The following SCFD2 variants were observed in gnomAD, a reference collection of about 807,000 sequenced individuals.
SCFD2 encodes the protein sec1 family domain containing 2, also known as sec1 family domain-containing protein 2.
Under a neutral mutation model 58.9 loss-of-function variants are expected in SCFD2, and 54 were observed. The observed-to-expected ratio is 0.92, with a 90% CI of 0.74 to 1.15. The LOEUF is 1.15. Ranked by LOEUF, SCFD2 falls within the 50% of genes most tolerant of loss-of-function variation. SCFD2 has a pLI of 0.00. For missense variants in SCFD2, 805 were observed against 836.6 expected (o/e 0.96, Z 0.47); for synonymous variants, 321 against 335.9 (o/e 0.96, Z 0.49).
At chr4:52,930,268 C>T (rs999424416) in intron 5 of SCFD2, among the ~76,000 whole-genome samples, 1 of 152,098 alleles carries the variant, frequency 6.6e-6, no homozygotes, top group African/African-American at 2.4e-5. Flanking sequence ...AAAGGATTCC[C>T]TATTTAATAA....
At chr4:53,350,114 G>GT (rs1309129823) in intron 2 of SCFD2, among the ~76,000 whole-genome samples, 1 of 152,190 alleles carries the variant, frequency 6.6e-6, no homozygotes, top group Non-Finnish European at 1.5e-5. Context: ...CTGTAAGTGT[G>GT]TGCTATTACT....
intron 4 of SCFD2, among the ~76,000 whole-genome samples, chr4:53,219,464 C>T (rs574261688): frequency 6.6e-6 from 1 of 152,272 alleles, no homozygotes; most frequent in Non-Finnish European, 1.5e-5. Flanking sequence ...CCTGGTGTGC[C>T]GTTTGCTAAG....
At chr4:53,198,998 ATC>A (rs1386717629) in intron 4 of SCFD2, among the ~76,000 whole-genome samples, 1 of 152,106 alleles carries the variant, frequency 6.6e-6, no homozygotes, top group Non-Finnish European at 1.5e-5. Flanking sequence ...TTCCTGAAAC[ATC>A]TGTTTGAAAT....
intron 2 of SCFD2, among the ~76,000 whole-genome samples, chr4:53,334,642 C>G (rs1733617336): frequency 6.6e-6 from 1 of 151,276 alleles, no homozygotes; most frequent in East Asian, 2.0e-4. Flanking sequence ...GGGAGATATA[C>G]CTAATGCTAG....
chr4:53,055,430 G>C (rs1723309786), intron 5 of SCFD2, among the ~76,000 whole-genome samples: 1 of 152,138 alleles, frequency 6.6e-6, no homozygotes, highest in Non-Finnish European at 1.5e-5. Flanking sequence ...TTCACAGCTG[G>C]AGAGCTACCC....
chr4:52,973,824 T>C (rs1327268626), intron 5 of SCFD2, among the ~76,000 whole-genome samples: 1 of 152,198 alleles, frequency 6.6e-6, no homozygotes, highest in African/African-American at 2.4e-5. Context: ...TCCACGATGA[T>C]CAAGTGGGCT....
chr4:53,201,594 C>A (rs927682892), intron 4 of SCFD2, among the ~76,000 whole-genome samples: 1 of 152,016 alleles, frequency 6.6e-6, no homozygotes, highest in Non-Finnish European at 1.5e-5. Flanking sequence ...CCTGAGGAAT[C>A]GCCACACTGA....
At chr4:53,184,526 G>T (rs1161298125) in intron 4 of SCFD2, among the ~76,000 whole-genome samples, 1 of 152,110 alleles carries the variant, frequency 6.6e-6, no homozygotes, top group Non-Finnish European at 1.5e-5. Context: ...CACTGATGGA[G>T]ATTTTTACAT....
At chr4:53,324,152 C>T (rs1354901177) in intron 2 of SCFD2, among the ~76,000 whole-genome samples, 1 of 152,066 alleles carries the variant, frequency 6.6e-6, no homozygotes, top group East Asian at 1.9e-4. Context: ...CACAATGGCT[C>T]ACACCTATAA....
At chr4:53,042,995 A>G (rs1333302794) in intron 5 of SCFD2, among the ~76,000 whole-genome samples, 1 of 152,224 alleles carries the variant, frequency 6.6e-6, no homozygotes, top group East Asian at 1.9e-4. Context: ...TTTATAAGTT[A>G]GAAAAACAAC....
intron 4 of SCFD2, among the ~76,000 whole-genome samples, chr4:53,266,919 TATA>T (rs1194223205): frequency 6.6e-6 from 1 of 152,212 alleles, no homozygotes; most frequent in Non-Finnish European, 1.5e-5. Flanking sequence ...CTTTTAAGCA[TATA>T]ATATTATCTT....
chr4:53,100,046 G>C (rs1375851288), intron 5 of SCFD2, among the ~76,000 whole-genome samples: 1 of 152,012 alleles, frequency 6.6e-6, no homozygotes, highest in Non-Finnish European at 1.5e-5. Context: ...CAAACTAAAA[G>C]GAAATCAGAA....
chr4:53,213,668 AT>A (rs1236243392), intron 4 of SCFD2, among the ~76,000 whole-genome samples: 3 of 151,878 alleles, frequency 2.0e-5, no homozygotes, highest in Non-Finnish European at 4.4e-5. Context: ...TCATTTATTT[AT>A]TTTTTTATAA....
chr4:53,327,167 G>T (rs535337722), intron 2 of SCFD2, among the ~76,000 whole-genome samples: 1 of 152,006 alleles, frequency 6.6e-6, no homozygotes, highest in Non-Finnish European at 1.5e-5. Flanking sequence ...AGCGGGTATC[G>T]TCTTGGGGAG....
chr4:53,012,212 C>A (rs1236243378), intron 5 of SCFD2, among the ~76,000 whole-genome samples: 1 of 152,012 alleles, frequency 6.6e-6, no homozygotes, highest in Admixed American at 6.6e-5. Context: ...AATGACTCAC[C>A]CCTTGACAAG....
chr4:53,254,031 G>C (rs940221047), intron 4 of SCFD2, among the ~76,000 whole-genome samples: 3 of 152,048 alleles, frequency 2.0e-5, no homozygotes, highest in Non-Finnish European at 4.4e-5. Flanking sequence ...TTATAAGTTA[G>C]AGCTAAGTGA....
intron 4 of SCFD2, among the ~76,000 whole-genome samples, chr4:53,168,669 G>T (rs906893547): frequency 1.3e-5 from 2 of 152,118 alleles, no homozygotes; most frequent in Admixed American, 1.3e-4. Flanking sequence ...GTGATGTTAT[G>T]ATATATGTAT....
At chr4:53,012,559 CA>C (rs972859363) in intron 5 of SCFD2, among the ~76,000 whole-genome samples, 4 of 151,752 alleles carry the variant, frequency 2.6e-5, no homozygotes, top group African/African-American at 9.7e-5. Flanking sequence ...CAGCAAGATT[CA>C]AAAAAGAATA....
chr4:53,362,577 G>T (rs1323079000), intron 1 of SCFD2, among the ~76,000 whole-genome samples: 1 of 152,022 alleles, frequency 6.6e-6, no homozygotes, highest in Non-Finnish European at 1.5e-5. Context: ...AAGTTTCTGG[G>T]AAGTATTGGA....
Sources: allele counts gnomAD v4.1 joint callset (sites outside exome capture counted in the v4.1 genomes callset), GRCh38; gene constraint gnomAD v4.1.1; transcripts MANE v1.5; gene names NCBI Gene and HGNC (gene_info 2026-07-23, HGNC 2026-07-21).